The following ADAM12 variants were observed in gnomAD, a reference collection of about 807,000 sequenced individuals.
The protein encoded by ADAM12 is ADAM metallopeptidase domain 12, also known as disintegrin and metalloproteinase domain-containing protein 12.
ADAM12 carries 70 observed loss-of-function variants against 106.4 expected under a neutral mutation model. The ratio of observed to expected loss-of-function variants is 0.66; its 90% CI spans 0.54 to 0.80. The LOEUF is 0.80. Among genes scored for constraint, ADAM12 ranks in the 30% least tolerant of loss-of-function variants. The pLI is 0.00. For synonymous variants in ADAM12, 420 were observed against 433.5 expected, an observed-to-expected ratio of 0.97 and a Z score of 0.39; for missense variants, 1,010 against 1,171.9, an observed-to-expected ratio of 0.86 and a Z score of 2.02.
chr10:126,373,601 G>A (rs1856186344), intron 1 of ADAM12, among the ~76,000 whole-genome samples: 1 of 152,130 alleles, frequency 6.6e-6, no homozygotes, highest in Non-Finnish European at 1.5e-5. Context: ...CCAGTTCCTG[G>A]CACAAATCTG....
At chr10:126,069,990 G>A (rs1954954970) in intron 12 of ADAM12, among the ~76,000 whole-genome samples, 2 of 152,176 alleles carry the variant, frequency 1.3e-5, no homozygotes, top group African/African-American at 4.8e-5. Flanking sequence ...TTCATGAAGA[G>A]CTGTCAAATT....
intron 3 of ADAM12, among the ~76,000 whole-genome samples, chr10:126,187,802 G>A (rs145292755): frequency 6.6e-6 from 1 of 152,200 alleles, no homozygotes; most frequent in Non-Finnish European, 1.5e-5. Flanking sequence ...TAAAATGAAA[G>A]GAGTTTTGAA....
chr10:126,103,742 C>T (rs1955712166), intron 8 of ADAM12, among the ~76,000 whole-genome samples: 1 of 152,220 alleles, frequency 6.6e-6, no homozygotes, highest in Non-Finnish European at 1.5e-5. Context: ...CAGCTGCCTG[C>T]CTGACTTACA....
At chr10:126,122,187 A>C (rs142666903) in intron 5 of ADAM12, among the ~76,000 whole-genome samples, 1 of 152,210 alleles carries the variant, frequency 6.6e-6, no homozygotes, top group Non-Finnish European at 1.5e-5. Context: ...ATTGTTACTT[A>C]GTCATGAAAA....
chr10:126,339,930 C>T (rs1301828077), intron 1 of ADAM12, among the ~76,000 whole-genome samples: 4 of 143,698 alleles, frequency 2.8e-5, no homozygotes, highest in East Asian at 4.6e-4. Flanking sequence ...TCTCAGCTCA[C>T]TGCAACCTCT....
intron 3 of ADAM12, among the ~76,000 whole-genome samples, chr10:126,263,617 AG>A (rs1241803365): frequency 1.3e-5 from 2 of 149,872 alleles, no homozygotes; most frequent in African/African-American, 2.4e-5. Flanking sequence ...GTGGGCGGGG[AG>A]GGGGGTGTAT....
intron 3 of ADAM12, among the ~76,000 whole-genome samples, chr10:126,187,572 G>C (rs1487015671): frequency 6.6e-6 from 1 of 152,134 alleles, no homozygotes; most frequent in Non-Finnish European, 1.5e-5. Flanking sequence ...GCCCTGGCTG[G>C]AAACTCCACC....
At chr10:126,143,732 A>G (rs1174351912) in intron 4 of ADAM12, among the ~76,000 whole-genome samples, 1 of 151,722 alleles carries the variant, frequency 6.6e-6, no homozygotes, top group Non-Finnish European at 1.5e-5. Context: ...GCATGTGTAT[A>G]TGCATTGTGT....
chr10:126,114,275 G>C (rs1774239277), intron 6 of ADAM12, among the ~76,000 whole-genome samples: 1 of 152,124 alleles, frequency 6.6e-6, no homozygotes, highest in South Asian at 2.1e-4. Context: ...AATGTTAATA[G>C]GGAGAAATGT....
chr10:126,251,204 G>T (rs901716998), intron 3 of ADAM12, among the ~76,000 whole-genome samples: 2 of 152,142 alleles, frequency 1.3e-5, no homozygotes, highest in African/African-American at 2.4e-5. Flanking sequence ...CAAGTGGTCT[G>T]GTCCTCGACC....
At chr10:126,236,669 T>C (rs1439927763) in intron 3 of ADAM12, among the ~76,000 whole-genome samples, 3 of 143,062 alleles carry the variant, frequency 2.1e-5, no homozygotes, top group East Asian at 2.1e-4. Context: ...GGAGCACTCA[T>C]AGGAAGGAGC....
chr10:126,093,983 G>T lies in ADAM12; in HGVS notation c.1145+2C>A. 1 of 1,614,074 alleles carries T rather than the reference G, an allele frequency of 6.2e-7. No homozygotes were observed. ...AAAGCAGATGGAAGCAATGGTACTT[G>T]CCCGGTGGAAGCGTTCATGATGCAG... On this transcript the variant is annotated splice_donor_variant, in intron 11 of 22. Transcript: ENST00000448723. LOFTEE classifies it high-confidence loss of function.
intron 1 of ADAM12, among the ~76,000 whole-genome samples, chr10:126,366,869 CAAG>C (rs1855930839): frequency 6.6e-6 from 1 of 152,002 alleles, no homozygotes. Context: ...GTCAATTCGT[CAAG>C]AAGACATAAC....
At chr10:126,040,711 GTTAAT>G (rs1229127801) in intron 18 of ADAM12, among the ~76,000 whole-genome samples, 2 of 152,296 alleles carry the variant, frequency 1.3e-5, no homozygotes, top group East Asian at 3.9e-4. Context: ...GTTAATTAAA[GTTAAT>G]TTAAAAAGTG....
At chr10:126,247,081 A>G (rs934214364) in intron 3 of ADAM12, among the ~76,000 whole-genome samples, 3 of 152,222 alleles carry the variant, frequency 2.0e-5, no homozygotes, top group African/African-American at 7.2e-5. Flanking sequence ...TCAAAATTGT[A>G]TAAAATTACT....
intron 2 of ADAM12, among the ~76,000 whole-genome samples, chr10:126,289,595 C>T (rs757059607): frequency 2.0e-4 from 31 of 152,234 alleles, no homozygotes; most frequent in Non-Finnish European, 4.0e-4. Flanking sequence ...GGTCTTGGAA[C>T]ACCCTGATCA....
chr10:126,143,482 T>C (rs1403486473), intron 4 of ADAM12, among the ~76,000 whole-genome samples: 1 of 151,310 alleles, frequency 6.6e-6, no homozygotes, highest in Non-Finnish European at 1.5e-5. Flanking sequence ...GTGTATATGG[T>C]GTGCATATAT....
chr10:126,128,251 T>G (rs1429885976), intron 5 of ADAM12, among the ~76,000 whole-genome samples: 1 of 151,748 alleles, frequency 6.6e-6, no homozygotes, highest in Non-Finnish European at 1.5e-5. Context: ...GCAGCTGGGA[T>G]GAGGAAGGGA....
At position 126,093,933 on chromosome 10, in the gene ADAM12, C is replaced by T. The variant is rs1343358476; in HGVS notation, c.1145+52G>A. 1.9e-6 allele frequency: 3 copies of T among 1,600,760 alleles called. No homozygotes were observed. The East Asian group carries it at 6.7e-5, about 36-fold the overall frequency. On this transcript the variant is annotated intron_variant, in intron 11 of 22. Transcript: ENST00000448723. The stretch of plus-strand genomic sequence containing the variant: ...ACTTTGACTCATCTGGTTCCCAACA[C>T]ACACTTCAAGCCATGCACACTGTCA...
Sources: allele counts gnomAD v4.1 joint callset (sites outside exome capture counted in the v4.1 genomes callset), GRCh38; gene constraint gnomAD v4.1.1; transcripts MANE v1.5; gene names NCBI Gene and HGNC (gene_info 2026-07-23, HGNC 2026-07-21).